Variants in LASP1 observed in about 807,000 individuals in gnomAD.
LASP1 encodes LIM and SH3 protein 1.
A neutral mutation model predicts 38.6 loss-of-function variants in LASP1; 10 were observed. The observed-to-expected ratio is 0.26, with a 90% CI of 0.16 to 0.44. The LOEUF (loss-of-function observed/expected upper bound fraction) is 0.44. Among genes scored for constraint, LASP1 ranks in the 20% least tolerant of loss-of-function variants. The pLI, the probability that LASP1 is intolerant of heterozygous loss-of-function variation, is 1.00. For missense variants in LASP1, 243 were observed against 375.7 expected, an observed-to-expected ratio of 0.65 and a Z score of 2.92; for synonymous variants, 132 against 140.8, an observed-to-expected ratio of 0.94 and a Z score of 0.44.
At chr17:38,890,958 G>C (rs1237959268) in intron 3 of LASP1, among the ~76,000 whole-genome samples, 1 of 152,172 alleles carries the variant, frequency 6.6e-6, no homozygotes, top group Non-Finnish European at 1.5e-5. Flanking sequence ...CCTGCCATGG[G>C]GGCACAGGAT....
chr17:38,888,315 C>T (rs1027672901), intron 2 of LASP1, among the ~76,000 whole-genome samples: 2 of 151,140 alleles, frequency 1.3e-5, no homozygotes, highest in African/African-American at 4.9e-5. Flanking sequence ...GAGTCTTGCT[C>T]TCGCCCAGAC....
rs777355379 is a variant in LASP1, at chr17:38,919,722, A to G, written c.*944A>G. ...GCTCCTCCCTGCTCCTCATGGGAAG[A>G]TGTCTCAGAGCCTTCCATGACCTCC... is the stretch of plus-strand genomic sequence containing the variant. On this transcript the variant is annotated 3_prime_UTR_variant, in exon 7 of 7. Coordinates refer to ENST00000318008, the MANE Select transcript of LASP1 (RefSeq NM_006148.4). The G allele has an allele frequency of 5.2e-6, 2 of 384,992 alleles. No homozygotes were observed. The highest frequency in any genetic ancestry group is 1.0e-5 in the Non-Finnish European group (2 of 200,838). 23.8% of individuals were successfully genotyped at this position (384,992 alleles called of 1,614,324 possible).
In LASP1 at chr17:38,914,389, C is replaced by T; in HGVS notation, c.422C>T (p.Pro141Leu). ...MGPSGGEGME[P>L]ERRDSQDGSS... Reference sequence around the variant, plus strand: ...CCTAGCGGGGGCGAGGGCATGGAGCCAGAGCGTCGGGATTCACAGGACGGC... The same window carrying T: ...CCTAGCGGGGGCGAGGGCATGGAGCTAGAGCGTCGGGATTCACAGGACGGC... Residue 141 changes from proline (P) to leucine (L), a missense_variant, in exon 5 of 7, where the codon CCA becomes CTA. Pro to Leu is a moderately conservative substitution (Grantham distance 98). Around this residue, in one of 4 missense-constraint regions of LASP1, gnomAD observed 165 missense variants for 210.3 expected, o/e 0.78. Coordinates refer to ENST00000318008, the MANE Select transcript of LASP1 (RefSeq NM_006148.4). The T allele has an allele frequency of 6.2e-7, 1 of 1,612,182 alleles. No homozygotes were observed.
chr17:38,889,066 G>T (rs1250542619), intron 2 of LASP1, among the ~76,000 whole-genome samples: 1 of 152,184 alleles, frequency 6.6e-6, no homozygotes, highest in East Asian at 1.9e-4. Context: ...GTGAGAATTC[G>T]GTGAACTAGG....
At chr17:38,886,129 ACTCTCTCT>A (rs34096382) in intron 2 of LASP1, among the ~76,000 whole-genome samples, 2 of 121,330 alleles carry the variant, frequency 1.6e-5, no homozygotes, top group Non-Finnish European at 3.6e-5. Context: ...TCTCACTCTC[ACTCTCTCT>A]CTCTCTCTCT....
chr17:38,871,993 CCTT>C (rs1382656666), intron 1 of LASP1, among the ~76,000 whole-genome samples: 2 of 152,098 alleles, frequency 1.3e-5, no homozygotes, highest in African/African-American at 2.4e-5. Context: ...CCTGTGGTCC[CCTT>C]CTTCTCCACA....
chr17:38,876,176 C>CT (rs899457098), intron 1 of LASP1, among the ~76,000 whole-genome samples: 8,998 of 127,606 alleles, frequency 0.071, 866 homozygotes, highest in South Asian at 0.19. Flanking sequence ...GATCGTTTCT[C>CT]TTTTTTTTTT....
chr17:38,906,402 C>T (rs544104913), intron 4 of LASP1, among the ~76,000 whole-genome samples: 48 of 152,012 alleles, frequency 3.2e-4, no homozygotes, highest in South Asian at 6.2e-4. Flanking sequence ...GGTGGTGCAC[C>T]CCTGTAGTCT....
intron 2 of LASP1, among the ~76,000 whole-genome samples, chr17:38,880,668 C>T (rs1302857994): frequency 2.0e-5 from 3 of 152,192 alleles, no homozygotes; most frequent in Admixed American, 6.5e-5. Flanking sequence ...CACCTCCTCG[C>T]CCAAGGCAGT....
intron 2 of LASP1, among the ~76,000 whole-genome samples, chr17:38,879,319 C>G (rs1480169271): frequency 6.6e-6 from 1 of 151,598 alleles, no homozygotes; most frequent in African/African-American, 2.4e-5. Flanking sequence ...CCATGCCCAG[C>G]TAATTTTTGT....
rs1306104941 is a variant in LASP1 at position 38,878,026 on chromosome 17, C to T, written c.70-60C>T. On this transcript the variant is annotated intron_variant, in intron 1 of 6. Coordinates refer to ENST00000318008, the MANE Select transcript of LASP1 (RefSeq NM_006148.4). ...GCTCCTGAGTGCCCCTTCCTAGGGCCTGAGCCCCTTTTTCAGAAGTCCTGG... is the reference window on the plus strand; with the variant it reads ...GCTCCTGAGTGCCCCTTCCTAGGGCTTGAGCCCCTTTTTCAGAAGTCCTGG... 3.0e-6 allele frequency: 4 copies of T among 1,321,400 alleles called. No individual in the cohort carries two copies. In the Admixed American group the frequency reaches 6.7e-5, roughly 22 times the overall value. 81.9% of individuals were successfully genotyped at this position (1,321,400 alleles called of 1,614,324 possible). A position where few individuals can be genotyped will look rare whatever the true frequency, so the allele number is the denominator to read the frequency against.
At chr17:38,912,410 TA>T (rs550429449) in intron 4 of LASP1, among the ~76,000 whole-genome samples, 10 of 148,462 alleles carry the variant, frequency 6.7e-5, no homozygotes, top group Admixed American at 3.3e-4. Flanking sequence ...CAGGGTGCCA[TA>T]GGGTCAGAGT....
At chr17:38,892,347 C>G (rs771703224) in intron 3 of LASP1, among the ~76,000 whole-genome samples, 2 of 152,180 alleles carry the variant, frequency 1.3e-5, no homozygotes, top group African/African-American at 2.4e-5. Flanking sequence ...ACACCTGCCA[C>G]CCACCCACCT....
intron 4 of LASP1, 116 bp downstream of exon 4, chr17:38,898,635 C>A: frequency 1.3e-6 from 1 of 772,406 alleles, no homozygotes; most frequent in African/African-American, 1.7e-5. Flanking sequence ...TCCACTACCC[C>A]TGCCCTCCAG....
intron 4 of LASP1, among the ~76,000 whole-genome samples, chr17:38,910,153 G>A (rs182114366): frequency 9.8e-5 from 15 of 152,336 alleles, no homozygotes; most frequent in Admixed American, 9.1e-4. Context: ...CATAATTCAG[G>A]AAGATTGTGC....
At chr17:38,896,312 A>G (rs1356677223) in intron 3 of LASP1, among the ~76,000 whole-genome samples, 1 of 152,196 alleles carries the variant, frequency 6.6e-6, no homozygotes, top group Non-Finnish European at 1.5e-5. Flanking sequence ...TCAGCTAGCC[A>G]GCTCCCTTCA....
intron 4 of LASP1, among the ~76,000 whole-genome samples, chr17:38,900,245 T>C (rs1914603298): frequency 7.2e-6 from 1 of 139,072 alleles, no homozygotes; most frequent in Non-Finnish European, 1.5e-5. Context: ...CCAGGCATGA[T>C]AGCACACGCC....
chr17:38,915,072 G>T lies in LASP1; in HGVS notation c.538G>T (p.Ala180Ser), dbSNP rs1327225752. The T allele has an allele frequency of 6.2e-7, 1 of 1,613,862 alleles. No homozygotes were observed. The highest frequency in any genetic ancestry group is 8.5e-7 in the Non-Finnish European group (1 of 1,179,984). ...CCAGCAGCCCCAGCAGCAGCCGGTG[G>T]CCCAGTCCTATGGTGGCTACAAGGA... ...VYQQPQQQPV[A>S]QSYGGYKEPA... is the part of the protein sequence containing the mutation. Residue 180 changes from alanine (A) to serine (S), a missense_variant, in exon 6 of 7, where the codon GCC becomes TCC. Coordinates refer to ENST00000318008, the MANE Select transcript of LASP1 (RefSeq NM_006148.4).
chr17:38,876,836 G>C (rs552639645), intron 1 of LASP1, among the ~76,000 whole-genome samples: 43 of 151,782 alleles, frequency 2.8e-4, no homozygotes, highest in Non-Finnish European at 5.6e-4. Flanking sequence ...CCAAGTAGCT[G>C]GGACTACAGG....
Sources: gnomAD v4.1 joint callset for allele counts (sites outside exome capture counted in the v4.1 genomes callset) on GRCh38, gnomAD v4.1.1 for gene constraint, gnomAD v4.1.1 regional missense constraint, MANE v1.5 for transcripts, NCBI Gene and HGNC (gene_info 2026-07-23, HGNC 2026-07-21) for gene names.